RNF2: variants seen among roughly 807,000 people sequenced by gnomAD.
The protein encoded by RNF2 is E3 ubiquitin-protein ligase RING2.
A neutral mutation model predicts 37.2 loss-of-function variants in RNF2; 6 were observed. The ratio of observed to expected loss-of-function variants is 0.16; its 90% CI spans 0.09 to 0.32. The LOEUF (loss-of-function observed/expected upper bound fraction) is 0.32. Ranked by LOEUF, RNF2 falls within the 10% of genes least tolerant of loss-of-function variation. RNF2 has a pLI of 1.00. For missense variants in RNF2, 251 were observed against 404.0 expected, an observed-to-expected ratio of 0.62 and a Z score of 3.25; for synonymous variants, 133 against 132.7, an observed-to-expected ratio of 1.00 and a Z score of -0.02.
At chr1:185,064,381 A>G (rs1161327053) in intron 1 of RNF2, among the ~76,000 whole-genome samples, 1 of 152,084 alleles carries the variant, frequency 6.6e-6, no homozygotes, top group Non-Finnish European at 1.5e-5. Context: ...AGGATTTCAT[A>G]CTCTGATTTT....
chr1:185,092,942 C>A, intron 3 of RNF2, 119 bp from the exon 4 acceptor site: 1 of 864,568 alleles, frequency 1.2e-6, no homozygotes, highest in Non-Finnish European at 1.8e-6. Flanking sequence ...GTTTACATTT[C>A]TGTGACTTAT....
chr1:185,096,976 ATATT>A (rs1280176425), intron 4 of RNF2, among the ~76,000 whole-genome samples: 3 of 151,610 alleles, frequency 2.0e-5, no homozygotes, highest in Admixed American at 2.0e-4. Flanking sequence ...TTTTCATTAT[ATATT>A]CCTTTTTTCT....
chr1:185,050,791 A>G (rs965290473), intron 1 of RNF2, among the ~76,000 whole-genome samples: 116 of 152,250 alleles, frequency 7.6e-4, no homozygotes, highest in African/African-American at 2.8e-3. Context: ...CTGATCAGCT[A>G]TCTTTCAGAG....
intron 1 of RNF2, 106 bp from the exon 2 acceptor site, chr1:185,087,446 T>A (rs1651635039): frequency 1.1e-6 from 1 of 880,904 alleles, no homozygotes; most frequent in Non-Finnish European, 1.9e-6. Flanking sequence ...TATTACTTCA[T>A]TGAGATTAGA....
intron 2 of RNF2, among the ~76,000 whole-genome samples, chr1:185,091,274 T>C (rs1156598221): frequency 6.6e-6 from 1 of 152,216 alleles, no homozygotes; most frequent in Non-Finnish European, 1.5e-5. Context: ...TAACCTAAGG[T>C]ATATGATTCC....
intron 1 of RNF2, among the ~76,000 whole-genome samples, chr1:185,084,617 C>T (rs868444356): frequency 1.2e-4 from 18 of 152,112 alleles, no homozygotes; most frequent in African/African-American, 4.1e-4. Flanking sequence ...TACTTTTTTT[C>T]CTTTCCTTTC....
In RNF2 at chr1:185,100,178, TTTTC is replaced by T. The variant is rs749584147; in HGVS notation, c.910-14_910-11del. ...TGTGGTTTGTGCAGTTTTCATAATT[TTTTC>T]TTTCTTTTTTGTTTTAGGTATTAAA... On this transcript the variant is annotated intron_variant, in intron 6 of 6. Transcript: ENST00000367510. 4.6e-6 allele frequency: 7 copies of T among 1,537,116 alleles called. No homozygotes were observed. Among genetic ancestry groups the T allele is most frequent in the Non-Finnish European group, 6.2e-6 (7 of 1,134,472 alleles).
chr1:185,098,212 A>G lies in RNF2; in HGVS notation c.605A>G (p.Asp202Gly). 6.2e-7 allele frequency: 1 copy of G among 1,614,214 alleles called. No homozygotes were observed. Among genetic ancestry groups the G allele is most frequent in the Non-Finnish European group, 8.5e-7 (1 of 1,180,022 alleles). The stretch of plus-strand genomic sequence containing the variant: ...AACAAACGGACCAAAACATCTGATG[A>G]TTCTGGGCTAGAGCTTGATAATAAC... ...PSNKRTKTSD[D>G]SGLELDNNNA... is the part of the protein sequence containing the mutation. The change falls in exon 5 of 7, where the codon GAT becomes GGT. Residue 202 changes from aspartate (D) to glycine (G), a missense_variant. Coordinates refer to ENST00000367510, the MANE Select transcript of RNF2 (RefSeq NM_007212.4).
In RNF2 at chr1:185,058,082, C is replaced by T. The variant is rs114950935; in HGVS notation, c.-3+12433C>T. The stretch of plus-strand genomic sequence containing the variant: ...TTGAGGCTGCAGTGAGCCTTGATTG[C>T]GCCTTTGCATTCCAGCATTGCTGAC... On this transcript the variant is annotated intron_variant, in intron 1 of 6. Coordinates refer to ENST00000367510, the MANE Select transcript of RNF2 (RefSeq NM_007212.4). Among the ~76,000 whole-genome samples the T allele has an allele frequency of 2.5e-3, 387 of 152,254 alleles. 3 individuals are homozygous for T. The highest frequency in any genetic ancestry group is 8.9e-3 in the African/African-American group (368 of 41,540).
intron 1 of RNF2, among the ~76,000 whole-genome samples, chr1:185,086,378 C>T (rs1571320185): frequency 6.6e-6 from 1 of 151,802 alleles, no homozygotes; most frequent in Admixed American, 6.6e-5. Flanking sequence ...TATCTACAAC[C>T]CTCTTTCCCA....
At chr1:185,054,001 C>T (rs115187030) in intron 1 of RNF2, among the ~76,000 whole-genome samples, 1 of 152,276 alleles carries the variant, frequency 6.6e-6, no homozygotes, top group Non-Finnish European at 1.5e-5. Context: ...ACATTCCCCC[C>T]CCACCCAGTG....
chr1:185,073,571 T>A (rs1651050755), intron 1 of RNF2, among the ~76,000 whole-genome samples: 1 of 152,236 alleles, frequency 6.6e-6, no homozygotes, highest in South Asian at 2.1e-4. Flanking sequence ...TTGAGTTTTT[T>A]AAAAGGACAC....
At chr1:185,080,272 TC>T (rs1651307449) in intron 1 of RNF2, among the ~76,000 whole-genome samples, 1 of 152,220 alleles carries the variant, frequency 6.6e-6, no homozygotes, top group Admixed American at 6.5e-5. Context: ...TTCATTGAGA[TC>T]TGAAAAACAG....
chr1:185,099,539 T>C (rs1005316135), intron 5 of RNF2, among the ~76,000 whole-genome samples: 1 of 152,200 alleles, frequency 6.6e-6, no homozygotes, highest in African/African-American at 2.4e-5. Context: ...TGTATCTCAT[T>C]TTATAGAAGG....
At chr1:185,082,056 A>G (rs777437576) in intron 1 of RNF2, among the ~76,000 whole-genome samples, 2 of 152,220 alleles carry the variant, frequency 1.3e-5, no homozygotes, top group Non-Finnish European at 2.9e-5. Flanking sequence ...GCAAGTTGCA[A>G]TCCAATGGTT....
intron 1 of RNF2, among the ~76,000 whole-genome samples, chr1:185,068,976 T>C (rs1224212621): frequency 6.6e-6 from 1 of 152,198 alleles, no homozygotes; most frequent in Non-Finnish European, 1.5e-5. Context: ...ATGTTACATT[T>C]AAAGTTCCTT....
chr1:185,098,838 G>A (rs552070168), intron 5 of RNF2, among the ~76,000 whole-genome samples: 20 of 151,198 alleles, frequency 1.3e-4, no homozygotes, highest in Admixed American at 1.1e-3. Flanking sequence ...TGCAGCCTCC[G>A]CCTCCTGGGT....
At chr1:185,059,125 C>T (rs1650525171) in intron 1 of RNF2, among the ~76,000 whole-genome samples, 3 of 151,728 alleles carry the variant, frequency 2.0e-5, no homozygotes, top group Non-Finnish European at 2.9e-5. Flanking sequence ...AGAAATCTGG[C>T]GACAAGGCCA....
At chr1:185,057,429 T>A (rs1055911251) in intron 1 of RNF2, among the ~76,000 whole-genome samples, 1 of 152,230 alleles carries the variant, frequency 6.6e-6, no homozygotes, top group Admixed American at 6.5e-5. Flanking sequence ...ATCATTTCAT[T>A]GTGGTTCGTT....
Sources: gnomAD v4.1 joint callset for allele counts (sites outside exome capture counted in the v4.1 genomes callset) on GRCh38, gnomAD v4.1.1 for gene constraint, MANE v1.5 for transcripts, NCBI Gene and HGNC (gene_info 2026-07-23, HGNC 2026-07-21) for gene names.